The following BAZ1B variants were observed in gnomAD, a reference collection of about 807,000 sequenced individuals.
BAZ1B encodes tyrosine-protein kinase BAZ1B.
In BAZ1B, 22 loss-of-function variants were observed where a neutral mutation model predicts 153.8. The ratio of observed to expected loss-of-function variants is 0.14; its 90% confidence interval spans 0.10 to 0.20. The LOEUF (loss-of-function observed/expected upper bound fraction) is 0.20, where lower values mean the gene tolerates loss of function less well. BAZ1B is among the 10% of genes least tolerant of loss of function. The pLI is 1.00. For synonymous variants in BAZ1B, 676 were observed against 633.4 expected (o/e 1.07, Z -1.01); for missense variants, 1,325 against 1,799.3 (o/e 0.74, Z 4.77).
chr7:73,515,481 C>A (rs536761044), intron 1 of BAZ1B, among the ~76,000 whole-genome samples: 12 of 149,812 alleles, frequency 8.0e-5, no homozygotes, highest in African/African-American at 2.7e-4. Flanking sequence ...CACTAGCAAA[C>A]TAGCAAGCAA....
Position 73,478,358 on chromosome 7 carries a change from T to G in BAZ1B, c.1103A>C (p.Glu368Ala). 2.5e-6 allele frequency: 4 copies of G among 1,612,342 alleles called. No individual in the cohort carries two copies. Among genetic ancestry groups the G allele is most frequent in the Non-Finnish European group, 3.4e-6 (4 of 1,179,646 alleles). Residue 368 changes from glutamate (E) to alanine (A), a missense_variant, in exon 7 of 20, where the codon GAA becomes GCA. Glu to Ala is a moderately radical substitution (Grantham distance 107, BLOSUM62 -1). Around this residue, in one of 9 missense-constraint regions of BAZ1B, gnomAD observed 219 missense variants for 248.2 expected, o/e 0.88. Transcript: ENST00000339594. ...NSKSPEEHLE[E>A]MMKMMSPNKL... ...ATTGGGCGACATCATCTTCATCATT[T>G]CTTCTAGATGTTCTTCAGGAGATTT...
At chr7:73,464,032 G>T in intron 11 of BAZ1B, 1 of 788,376 alleles carries the variant, frequency 1.3e-6, no homozygotes, top group Non-Finnish European at 1.5e-6. Flanking sequence ...AATTTGCCTA[G>T]ACACATCTGT....
chr7:73,509,919 G>A (rs1554578341), intron 2 of BAZ1B, among the ~76,000 whole-genome samples: 1 of 151,798 alleles, frequency 6.6e-6, no homozygotes, highest in Non-Finnish European at 1.5e-5. Flanking sequence ...TTGAGGTCAG[G>A]AGTTCGAGAC....
intron 12 of BAZ1B, among the ~76,000 whole-genome samples, chr7:73,460,494 TTTTTTA>T (rs564266090): frequency 4.1e-4 from 63 of 152,228 alleles, no homozygotes; most frequent in Admixed American, 3.9e-3. Context: ...TGATCTCCTT[TTTTTTA>T]TTTTTAAAGA....
At chr7:73,503,153 T>C (rs1001684219) in intron 3 of BAZ1B, among the ~76,000 whole-genome samples, 2 of 152,166 alleles carry the variant, frequency 1.3e-5, no homozygotes, top group South Asian at 2.1e-4. Context: ...TAATAACCAA[T>C]TGTATTCAGC....
Position 73,468,551 on chromosome 7 carries a change from C to A in BAZ1B, c.2866+966G>T, listed in dbSNP as rs377322017. ...TCTTGAAATATACTCAATACATACACTTTAAGAAAGAATATGGATATATAT... is the reference window on the plus strand; with the variant it reads ...TCTTGAAATATACTCAATACATACAATTTAAGAAAGAATATGGATATATAT... On this transcript the variant is annotated intron_variant, in intron 9 of 19. Coordinates refer to ENST00000339594, the MANE Select transcript of BAZ1B (RefSeq NM_032408.4). 2.6e-5 allele frequency among the ~76,000 whole-genome samples: 4 copies of A among 152,188 alleles called. No homozygotes were observed. The South Asian group carries it at 8.3e-4, about 32-fold the overall frequency.
intron 11 of BAZ1B, among the ~76,000 whole-genome samples, chr7:73,464,963 G>C (rs1583901324): frequency 1.3e-5 from 2 of 151,858 alleles, no homozygotes; most frequent in South Asian, 4.2e-4. Context: ...CAAAACTCCT[G>C]GATGCAAGAC....
rs372816490 is a variant in BAZ1B at position 73,443,964 on chromosome 7, G to A, written c.3990+20C>T. 3 of 1,613,106 alleles carry A rather than the reference G, an allele frequency of 1.9e-6. No homozygotes were observed. The highest frequency in any genetic ancestry group is 2.5e-6 in the Non-Finnish European group (3 of 1,179,636). On this transcript the variant is annotated intron_variant, in intron 17 of 19. Transcript: ENST00000339594. ...ATAAGAAACAGAAAGGTTAGAGAAG[G>A]GATGATAAATAATTCTCACCAGCTC...
chr7:73,476,478 T>C (rs782821157), intron 7 of BAZ1B, among the ~76,000 whole-genome samples: 19 of 152,260 alleles, frequency 1.2e-4, no homozygotes, highest in Non-Finnish European at 2.2e-4. Context: ...TTATCAAGCA[T>C]ATGAGGAAAG....
At chr7:73,442,141 C>CA in intron 19 of BAZ1B, 40 bp downstream of exon 19, 3 of 361,350 alleles carry the variant, frequency 8.3e-6, no homozygotes, top group Non-Finnish European at 1.1e-5. Context: ...TCGCCTCCCT[C>CA]CCACCCTCCC....
chr7:73,457,404 C>T (rs1335070606), intron 13 of BAZ1B, among the ~76,000 whole-genome samples: 1 of 152,118 alleles, frequency 6.6e-6, no homozygotes, highest in Non-Finnish European at 1.5e-5. Flanking sequence ...TCTCAAACTC[C>T]TGACCTCAGG....
At position 73,496,170 on chromosome 7, in the gene BAZ1B, CAG is replaced by C. The variant is rs530767845; in HGVS notation, c.571+2325_571+2326del. 1.6e-4 allele frequency among the ~76,000 whole-genome samples: 24 copies of C among 152,214 alleles called. No individual in the cohort carries two copies. The South Asian group carries it at 2.7e-3, about 17-fold the overall frequency. The stretch of plus-strand genomic sequence containing the variant: ...CACAATAAAACTGATGTTCGGAAAG[CAG>C]AGAGAATATTCCTAACCAAAACACT... On this transcript the variant is annotated intron_variant, in intron 4 of 19. Coordinates refer to ENST00000339594, the MANE Select transcript of BAZ1B (RefSeq NM_032408.4).
chr7:73,460,677 G>A (rs1460650883), intron 12 of BAZ1B, among the ~76,000 whole-genome samples: 1 of 152,084 alleles, frequency 6.6e-6, no homozygotes, highest in Non-Finnish European at 1.5e-5. Context: ...TTAGAGACAG[G>A]GTCTCACTAT....
chr7:73,477,849 T>C lies in BAZ1B; in HGVS notation c.1612A>G (p.Met538Val). The C allele has an allele frequency of 1.2e-6, 2 of 1,613,966 alleles. No homozygotes were observed. Among genetic ancestry groups the C allele is most frequent in the Non-Finnish European group, 1.7e-6 (2 of 1,180,010 alleles). The change falls in exon 7 of 20, where the codon ATG (methionine) becomes GTG (valine). Residue 538 changes from methionine to valine, a missense_variant. This residue lies in a region of BAZ1B where 154 missense variants were observed against 266.3 expected (regional missense o/e 0.58). Transcript: ENST00000339594. The surrounding 1 kb of genome is among the most constrained non-coding windows in gnomAD (Gnocchi z 5.6). ...TATTCTTTCCGTTGTTCTTCAGACA[T>C]AGAAGCCCACCTCTTTTTGTGCTCT... ...LLEHKKRWAS[M>V]SEEQRKEYLK... is the part of the protein sequence containing the mutation.
chr7:73,492,576 TCTA>T (rs1400505593), intron 5 of BAZ1B, among the ~76,000 whole-genome samples: 18 of 152,192 alleles, frequency 1.2e-4, no homozygotes, highest in Admixed American at 9.2e-4. Context: ...TTACTTACAC[TCTA>T]CTAATTCCTA....
chr7:73,515,890 A>T (rs2115604808), intron 1 of BAZ1B, among the ~76,000 whole-genome samples: 1 of 152,238 alleles, frequency 6.6e-6, no homozygotes, highest in African/African-American at 2.4e-5. Context: ...CACGCCTGTA[A>T]TCCCAGCACT....
At chr7:73,459,180 G>A (rs1388982077) in intron 13 of BAZ1B, among the ~76,000 whole-genome samples, 7 of 151,644 alleles carry the variant, frequency 4.6e-5, no homozygotes, top group East Asian at 3.9e-4. Flanking sequence ...CCTGGGAGGC[G>A]GAGGTTGTAG....
intron 3 of BAZ1B, among the ~76,000 whole-genome samples, chr7:73,502,464 G>C (rs782718998): frequency 8.6e-5 from 13 of 152,024 alleles, no homozygotes; most frequent in Non-Finnish European, 1.3e-4. Flanking sequence ...GCCAGACCCA[G>C]TGGCTCACAC....
intron 2 of BAZ1B, among the ~76,000 whole-genome samples, chr7:73,510,293 GT>G (rs1314216339): frequency 1.3e-5 from 2 of 152,040 alleles, no homozygotes; most frequent in Non-Finnish European, 2.9e-5. Flanking sequence ...TCCGGGCTTG[GT>G]GGCGAGCACC....
Sources: allele counts gnomAD v4.1 joint callset (sites outside exome capture counted in the v4.1 genomes callset), GRCh38; gene constraint gnomAD v4.1.1; regional missense constraint gnomAD v4.1.1; non-coding constraint Gnocchi (gnomAD v3.1); transcripts MANE v1.5; gene names NCBI Gene and HGNC (gene_info 2026-07-23, HGNC 2026-07-21).